Variants in SLC39A11 observed in about 807,000 individuals in gnomAD.
The protein encoded by SLC39A11 is zinc transporter ZIP11.
SLC39A11 carries 33 observed loss-of-function variants against 36.1 expected under a neutral mutation model. That is an observed-to-expected ratio of 0.91 (90% CI 0.69 to 1.22). The LOEUF (loss-of-function observed/expected upper bound fraction) is 1.22. Ranked by LOEUF, SLC39A11 falls within the 50% of genes most tolerant of loss-of-function variation. The pLI is 0.00. For synonymous variants in SLC39A11, 166 were observed against 170.3 expected, an observed-to-expected ratio of 0.97 and a Z score of 0.20; for missense variants, 432 against 430.3, an observed-to-expected ratio of 1.00 and a Z score of -0.03.
intron 4 of SLC39A11, among the ~76,000 whole-genome samples, chr17:73,005,643 G>A (rs971997340): frequency 6.6e-6 from 1 of 152,190 alleles, no homozygotes; most frequent in African/African-American, 2.4e-5. Flanking sequence ...ACGTGAGTCT[G>A]TGATCACATC....
chr17:73,088,355 G>C (rs1456127797), intron 2 of SLC39A11, among the ~76,000 whole-genome samples: 1 of 151,924 alleles, frequency 6.6e-6, no homozygotes, highest in East Asian at 1.9e-4. Context: ...ATTAGGCAGC[G>C]GGCTAACGAA....
chr17:72,986,394 T>C lies in SLC39A11; in HGVS notation c.307-38519A>G, dbSNP rs992300766. 2.6e-5 allele frequency among the ~76,000 whole-genome samples: 4 copies of C among 152,320 alleles called. No individual in the cohort carries two copies. In the East Asian group the frequency reaches 5.8e-4, roughly 22 times the overall value. ...CAGACAAAGCCCCGGTGAAGCTTTT[T>C]AGAAATACAGACGTCTAAGCTCCAC... On this transcript the variant is annotated intron_variant, in intron 4 of 9. Transcript: ENST00000255559.
intron 7 of SLC39A11, among the ~76,000 whole-genome samples, chr17:72,668,302 CAA>C (rs558245086): frequency 1.5e-4 from 19 of 128,114 alleles, no homozygotes; most frequent in Admixed American, 2.4e-4. Context: ...AACTATAAAG[CAA>C]AAAAAAAAAA....
intron 7 of SLC39A11, among the ~76,000 whole-genome samples, chr17:72,653,815 C>A (rs956118840): frequency 1.3e-5 from 2 of 152,136 alleles, no homozygotes; most frequent in Admixed American, 1.3e-4. Context: ...TTGTCCTGGG[C>A]AGCTGGGGAC....
intron 5 of SLC39A11, among the ~76,000 whole-genome samples, chr17:72,866,551 A>G (rs55748824): frequency 6.6e-6 from 1 of 152,320 alleles, no homozygotes; most frequent in South Asian, 2.1e-4. Flanking sequence ...AAGATAAATA[A>G]TACATAGACA....
At chr17:72,749,362 G>A (rs1036089864) in intron 6 of SLC39A11, among the ~76,000 whole-genome samples, 7 of 152,148 alleles carry the variant, frequency 4.6e-5, no homozygotes, top group African/African-American at 9.7e-5. Context: ...CTCTCCCTAC[G>A]TCCAAAGTCC....
In SLC39A11 at chr17:72,722,530, TAAGGTCTTTGG is replaced by T. The variant is rs201973732; in HGVS notation, c.671+14109_671+14119del. 7.2e-3 allele frequency among the ~76,000 whole-genome samples: 1,091 copies of T among 152,258 alleles called. 11 individuals carry two copies. Among genetic ancestry groups the T allele is most frequent in the African/African-American group, 0.025 (1,037 of 41,538 alleles). On this transcript the variant is annotated intron_variant, in intron 7 of 9. Transcript: ENST00000255559. ...GGGGTGGGGTGGGGGAGGGAAAAAG[TAAGGTCTTTGG>T]AAGGTCTTTGGTCTTTCTGTTTGGA...
intron 5 of SLC39A11, among the ~76,000 whole-genome samples, chr17:72,862,228 T>C (rs1044133931): frequency 6.6e-6 from 1 of 152,274 alleles, no homozygotes; most frequent in African/African-American, 2.4e-5. Context: ...GGCTAAATTC[T>C]TGAAGCCTCT....
intron 3 of SLC39A11, among the ~76,000 whole-genome samples, chr17:73,072,706 A>G (rs2060199017): frequency 6.6e-6 from 1 of 152,092 alleles, no homozygotes; most frequent in Non-Finnish European, 1.5e-5. Context: ...GGAGTCAGGG[A>G]GCCTCAAGCC....
At chr17:72,894,867 GATGCA>G (rs1260034040) in intron 5 of SLC39A11, among the ~76,000 whole-genome samples, 3 of 152,096 alleles carry the variant, frequency 2.0e-5, no homozygotes, top group African/African-American at 7.2e-5. Context: ...TGCTGTAGAA[GATGCA>G]CCCAGGGATG....
intron 4 of SLC39A11, among the ~76,000 whole-genome samples, chr17:72,951,614 G>A (rs986828270): frequency 9.9e-5 from 15 of 152,076 alleles, no homozygotes; most frequent in Non-Finnish European, 2.2e-4. Flanking sequence ...AGAGTGTCAG[G>A]TAGTGATAAT....
chr17:72,732,479 T>C (rs1228918426), intron 7 of SLC39A11, among the ~76,000 whole-genome samples: 1 of 152,176 alleles, frequency 6.6e-6, no homozygotes, highest in Non-Finnish European at 1.5e-5. Context: ...CTGGACTGTT[T>C]CTTAGACTTC....
At position 72,669,195 on chromosome 17, in the gene SLC39A11, CT is replaced by C. The variant is rs200498509; in HGVS notation, c.672-19928del. 6.3e-3 allele frequency among the ~76,000 whole-genome samples: 965 copies of C among 152,294 alleles called. 4 individuals are homozygous for C. Among genetic ancestry groups the C allele is most frequent in the African/African-American group, 0.022 (928 of 41,550 alleles). ...TTATATAGGTTGCTCTACCTCAAGA[CT>C]TCTCGAAAATGTACGTAACTGTAAG... On this transcript the variant is annotated intron_variant, in intron 7 of 9. Coordinates refer to ENST00000255559, the MANE Select transcript of SLC39A11 (RefSeq NM_139177.4).
intron 6 of SLC39A11, among the ~76,000 whole-genome samples, chr17:72,781,904 T>C (rs62071180): frequency 6.7e-6 from 1 of 149,064 alleles, no homozygotes; most frequent in Admixed American, 6.6e-5. Flanking sequence ...AAAAAAAAAT[T>C]CTATTTATAA....
At chr17:72,816,573 G>A (rs971915104) in intron 6 of SLC39A11, among the ~76,000 whole-genome samples, 2 of 152,128 alleles carry the variant, frequency 1.3e-5, no homozygotes, top group African/African-American at 4.8e-5. Flanking sequence ...TAACAGAGAG[G>A]GTGATCCAGA....
intron 4 of SLC39A11, among the ~76,000 whole-genome samples, chr17:73,011,369 G>A (rs2090505677): frequency 1.3e-5 from 2 of 152,150 alleles, no homozygotes; most frequent in African/African-American, 2.4e-5. Context: ...AAGGACTCTG[G>A]GAAGCACTCT....
chr17:72,955,808 A>C (rs949095292), intron 4 of SLC39A11, among the ~76,000 whole-genome samples: 60 of 152,232 alleles, frequency 3.9e-4, no homozygotes, highest in African/African-American at 1.3e-3. Flanking sequence ...GGGTAACCAC[A>C]AGTGGTTAGG....
rs567584149 is a variant in SLC39A11, at chr17:72,822,276, T to G, written c.601+27358A>C. Among the ~76,000 whole-genome samples, 342 of 147,208 alleles carry G rather than the reference T, an allele frequency of 2.3e-3. 4 individuals carry two copies. Among genetic ancestry groups the G allele is most frequent in the Middle Eastern group, 7.1e-3 (2 of 280 alleles). On this transcript the variant is annotated intron_variant, in intron 6 of 9. Transcript: ENST00000255559. Reference sequence around the variant, plus strand: ...TATATATAGAGAGAGAGAATATATATAGAGAGAGATTATATATATAATATA... The same window carrying G: ...TATATATAGAGAGAGAGAATATATAGAGAGAGAGATTATATATATAATATA...
At chr17:72,705,538 G>A (rs1340866105) in intron 7 of SLC39A11, among the ~76,000 whole-genome samples, 1 of 152,172 alleles carries the variant, frequency 6.6e-6, no homozygotes, top group Admixed American at 6.5e-5. Context: ...CTGGATTAAG[G>A]GTGAATGGGT....
Sources: gnomAD v4.1 joint callset for allele counts (sites outside exome capture counted in the v4.1 genomes callset) on GRCh38, gnomAD v4.1.1 for gene constraint, MANE v1.5 for transcripts, NCBI Gene and HGNC (gene_info 2026-07-23, HGNC 2026-07-21) for gene names.